The following CNTNAP2 variants were observed in gnomAD, a reference collection of about 807,000 sequenced individuals.
CNTNAP2 encodes contactin associated protein 2, also known as contactin-associated protein-like 2.
A neutral mutation model predicts 155.2 loss-of-function variants in CNTNAP2; 98 were observed. The observed-to-expected ratio is 0.63, with a 90% CI of 0.54 to 0.75. The LOEUF is 0.75. Among genes scored for constraint, CNTNAP2 ranks in the 30% least tolerant of loss-of-function variants. The probability of loss-of-function intolerance (pLI) is 0.00; values close to 1 mark genes in which losing one functional copy is unlikely to be tolerated. For missense variants in CNTNAP2, 1,727 were observed against 1,688.1 expected (o/e 1.02, Z -0.40); for synonymous variants, 651 against 631.2 (o/e 1.03, Z -0.47).
chr7:148,346,824 T>A (rs1798336400), intron 21 of CNTNAP2, among the ~76,000 whole-genome samples: 1 of 151,858 alleles, frequency 6.6e-6, no homozygotes, highest in Non-Finnish European at 1.5e-5. Flanking sequence ...ACAATTACTT[T>A]TGCACCAACC....
intron 12 of CNTNAP2, among the ~76,000 whole-genome samples, chr7:147,579,348 G>A (rs1019914882): frequency 5.9e-5 from 9 of 152,058 alleles, no homozygotes; most frequent in African/African-American, 2.2e-4. Flanking sequence ...ATTTATGAGT[G>A]CATCTTATGT....
chr7:146,223,115 C>G (rs1038260277), intron 1 of CNTNAP2, among the ~76,000 whole-genome samples: 1 of 152,098 alleles, frequency 6.6e-6, no homozygotes, highest in African/African-American at 2.4e-5. Context: ...GACACAAACC[C>G]ACACACCTTT....
At chr7:147,998,027 G>A (rs572103494) in intron 15 of CNTNAP2, among the ~76,000 whole-genome samples, 42 of 151,890 alleles carry the variant, frequency 2.8e-4, no homozygotes, top group Non-Finnish European at 5.0e-4. Context: ...ATTACCAAGC[G>A]AATGCTGGGG....
chr7:147,756,261 C>T (rs76847448), intron 13 of CNTNAP2, among the ~76,000 whole-genome samples: 27,574 of 152,192 alleles, frequency 0.18, 2,975 homozygotes, highest in Middle Eastern at 0.38. Flanking sequence ...TTTTGGTAGT[C>T]TTAGCCATGC....
At chr7:146,776,420 C>T (rs1001980021) in intron 2 of CNTNAP2, among the ~76,000 whole-genome samples, 9 of 152,118 alleles carry the variant, frequency 5.9e-5, no homozygotes, top group Admixed American at 1.3e-4. Flanking sequence ...ATCTAGTCAC[C>T]AATGAGAAAA....
intron 21 of CNTNAP2, among the ~76,000 whole-genome samples, chr7:148,303,501 G>A (rs1412240110): frequency 6.6e-6 from 1 of 152,116 alleles, no homozygotes; most frequent in East Asian, 1.9e-4. Flanking sequence ...AGTCCCTCGG[G>A]GCCTATAAGC....
At chr7:147,236,421 GT>G (rs11341712) in intron 8 of CNTNAP2, among the ~76,000 whole-genome samples, 15,703 of 138,906 alleles carry the variant, frequency 0.11, 805 homozygotes, top group African/African-American at 0.13. Flanking sequence ...TTTTAAGCTT[GT>G]TTTTTTTTTT....
intron 3 of CNTNAP2, among the ~76,000 whole-genome samples, chr7:146,944,529 C>T (rs376340598): frequency 1.3e-5 from 2 of 152,166 alleles, no homozygotes; most frequent in Admixed American, 6.5e-5. Flanking sequence ...TAAGCAGCAA[C>T]GATGACATTC....
At chr7:146,283,431 G>T (rs1800280679) in intron 1 of CNTNAP2, among the ~76,000 whole-genome samples, 1 of 152,044 alleles carries the variant, frequency 6.6e-6, no homozygotes, top group Non-Finnish European at 1.5e-5. Context: ...GCAGTTGTGG[G>T]ATCACAGGTG....
intron 12 of CNTNAP2, among the ~76,000 whole-genome samples, chr7:147,618,312 G>A (rs1801330981): frequency 6.6e-6 from 1 of 152,122 alleles, no homozygotes; most frequent in Admixed American, 6.6e-5. Flanking sequence ...CACATTGTAT[G>A]TTGGCCACAC....
chr7:147,685,671 G>A (rs1247584886), intron 13 of CNTNAP2, among the ~76,000 whole-genome samples: 2 of 151,820 alleles, frequency 1.3e-5, no homozygotes, highest in Non-Finnish European at 2.9e-5. Context: ...AAACAGAAAC[G>A]TATACATACA....
intron 18 of CNTNAP2, among the ~76,000 whole-genome samples, chr7:148,187,107 CAT>C (rs1368081030): frequency 5.4e-4 from 57 of 104,754 alleles, no homozygotes; most frequent in African/African-American, 1.6e-3. Context: ...AGCAAGGAAA[CAT>C]ACACACACAC....
intron 4 of CNTNAP2, among the ~76,000 whole-genome samples, chr7:147,079,406 C>A (rs1257270461): frequency 3.3e-5 from 5 of 151,854 alleles, no homozygotes; most frequent in Admixed American, 1.3e-4. Context: ...ATGTTGCTCC[C>A]GTGAAAAACA....
intron 10 of CNTNAP2, among the ~76,000 whole-genome samples, chr7:147,462,089 C>T (rs1233463351): frequency 1.4e-5 from 2 of 142,384 alleles, no homozygotes; most frequent in Non-Finnish European, 3.1e-5. Context: ...CTCTCGTGAC[C>T]CAGAGTTCCT....
At chr7:146,458,592 AAATATCTATGT>A (rs1252243329) in intron 1 of CNTNAP2, among the ~76,000 whole-genome samples, 1 of 152,198 alleles carries the variant, frequency 6.6e-6, no homozygotes, top group Non-Finnish European at 1.5e-5. Flanking sequence ...ACATACATAC[AAATATCTATGT>A]AAAACCTGAT....
intron 1 of CNTNAP2, among the ~76,000 whole-genome samples, chr7:146,627,122 A>C (rs1799433471): frequency 6.6e-6 from 1 of 152,156 alleles, no homozygotes; most frequent in African/African-American, 2.4e-5. Context: ...GGCAGCAGGC[A>C]AAGGGAGAGC....
chr7:146,930,998 C>G (rs1195935168), intron 3 of CNTNAP2, among the ~76,000 whole-genome samples: 1 of 152,088 alleles, frequency 6.6e-6, no homozygotes, highest in African/African-American at 2.4e-5. Flanking sequence ...GAGACTTTAA[C>G]ACCCCACTGT....
intron 3 of CNTNAP2, among the ~76,000 whole-genome samples, chr7:146,974,214 G>A (rs1797860982): frequency 6.6e-6 from 1 of 152,132 alleles, no homozygotes; most frequent in African/African-American, 2.4e-5. Flanking sequence ...GGGAGGCTGA[G>A]GTGGGTGGAT....
At chr7:146,875,681 G>GA (rs1471304185) in intron 3 of CNTNAP2, among the ~76,000 whole-genome samples, 2 of 151,374 alleles carry the variant, frequency 1.3e-5, no homozygotes, top group Admixed American at 6.6e-5. Context: ...TGGCGGGGGG[G>GA]CAAAGCCAGT....
Sources: gnomAD v4.1 joint callset for allele counts (sites outside exome capture counted in the v4.1 genomes callset) on GRCh38, gnomAD v4.1.1 for gene constraint, MANE v1.5 for transcripts, NCBI Gene and HGNC (gene_info 2026-07-23, HGNC 2026-07-21) for gene names.